UBAP2: variants seen among roughly 807,000 people sequenced by gnomAD.
UBAP2 encodes ubiquitin-associated protein 2.
A neutral mutation model predicts 139.6 loss-of-function variants in UBAP2; 75 were observed. That is an observed-to-expected ratio of 0.54 (90% CI 0.45 to 0.65). The LOEUF (loss-of-function observed/expected upper bound fraction) is 0.65. UBAP2 is among the 30% of genes least tolerant of loss of function. The pLI is 0.00. For synonymous variants in UBAP2, 526 were observed against 526.2 expected (o/e 1.00, Z 0.01); for missense variants, 1,368 against 1,369.6 (o/e 1.00, Z 0.02).
chr9:33,977,434 C>T (rs528454349), intron 6 of UBAP2, among the ~76,000 whole-genome samples: 81 of 152,218 alleles, frequency 5.3e-4, no homozygotes, highest in African/African-American at 1.7e-3. Context: ...CTGGTAGTAA[C>T]GCTACTAGTA....
intron 3 of UBAP2, chr9:33,996,880 C>G (rs1265024912): frequency 2.6e-5 from 4 of 152,904 alleles, no homozygotes; most frequent in African/African-American, 9.7e-5. Context: ...CCCAGGAGTT[C>G]GAGACTGGAC....
At chr9:33,926,791 G>T in intron 21 of UBAP2, 127 bp from the exon 22 acceptor site, 1 of 1,097,938 alleles carries the variant, frequency 9.1e-7, no homozygotes, top group Non-Finnish European at 1.4e-6. Context: ...TGGATTAGCT[G>T]TTACGGGAAC....
chr9:33,937,069 T>A (rs1824611103), intron 16 of UBAP2, among the ~76,000 whole-genome samples: 1 of 146,364 alleles, frequency 6.8e-6, no homozygotes, highest in Non-Finnish European at 1.5e-5. Context: ...ATATTTAAGG[T>A]AGGAAGGAGA....
intron 18 of UBAP2, among the ~76,000 whole-genome samples, chr9:33,932,859 C>T (rs919431438): frequency 2.6e-5 from 4 of 152,226 alleles, no homozygotes; most frequent in Non-Finnish European, 5.9e-5. Context: ...CCCTCAACGA[C>T]ATCCATTTGC....
At chr9:33,989,169 T>C (rs748462010) in intron 4 of UBAP2, 43 bp from the exon 5 acceptor site, 19 of 1,547,818 alleles carry the variant, frequency 1.2e-5, no homozygotes, top group Non-Finnish European at 1.6e-5. Flanking sequence ...ATTCAAAGTG[T>C]GTACAATTAT....
At chr9:34,017,904 G>A (rs1824520365) in intron 1 of UBAP2, among the ~76,000 whole-genome samples, 1 of 151,588 alleles carries the variant, frequency 6.6e-6, no homozygotes, top group African/African-American at 2.4e-5. Flanking sequence ...TCCAGCCTTG[G>A]CGACAGAGCG....
At position 33,941,817 on chromosome 9, in the gene UBAP2, G is replaced by C; in HGVS notation, c.1761C>G (p.Asn587Lys). The change falls in exon 16 of 29, where the codon AAC (asparagine) becomes AAG (lysine). Residue 587 changes from asparagine (N) to lysine (K), a missense_variant. Transcript: ENST00000379238. ...TAATGACGGAAGTTGTATATGTGGA[G>C]TTCTGTACTGCACTGGTCATTGATA... Reference protein sequence around the residue: ...TSLSMTSAVQNSTYTTSVITS... With the variant: ...TSLSMTSAVQKSTYTTSVITS... 6.2e-7 allele frequency: 1 copy of C among 1,613,758 alleles called. No homozygotes were observed. The highest frequency in any genetic ancestry group is 1.1e-5 in the South Asian group (1 of 91,066).
chr9:33,974,593 G>A (rs1828154809), intron 6 of UBAP2, among the ~76,000 whole-genome samples: 1 of 151,978 alleles, frequency 6.6e-6, no homozygotes, highest in Non-Finnish European at 1.5e-5. Flanking sequence ...TTATATATCT[G>A]ATCACAGAGT....
chr9:33,922,883 A>C lies in UBAP2; in HGVS notation c.3073-5T>G. ...AAATCCCTGCTTGTCAAAAGTCTAC[A>C]GGGCAAAGAAGACAATGGTGAAGGT... is the stretch of plus-strand genomic sequence containing the variant. On this transcript the variant is annotated splice_region_variant and splice_polypyrimidine_tract_variant and intron_variant, in intron 27 of 28. Coordinates refer to ENST00000379238, the MANE Select transcript of UBAP2 (RefSeq NM_001370062.2). The C allele has an allele frequency of 6.2e-7, 1 of 1,604,140 alleles. No homozygotes were observed. Among genetic ancestry groups the C allele is most frequent in the Non-Finnish European group, 8.5e-7 (1 of 1,173,600 alleles).
intron 1 of UBAP2, among the ~76,000 whole-genome samples, chr9:34,017,461 G>C (rs1490339947): frequency 6.6e-6 from 1 of 152,064 alleles, no homozygotes; most frequent in Non-Finnish European, 1.5e-5. Flanking sequence ...ACTACATGTA[G>C]TCACTGTACA....
intron 7 of UBAP2, among the ~76,000 whole-genome samples, chr9:33,972,285 G>A (rs1827974246): frequency 6.6e-6 from 1 of 152,186 alleles, no homozygotes; most frequent in African/African-American, 2.4e-5. Flanking sequence ...GGTCTAACAT[G>A]AGCCAAAACA....
intron 1 of UBAP2, among the ~76,000 whole-genome samples, chr9:34,034,172 T>A (rs1041790049): frequency 2.0e-5 from 3 of 152,218 alleles, no homozygotes; most frequent in African/African-American, 7.2e-5. Flanking sequence ...TTTATAAAAG[T>A]TCAACATACC....
At position 33,921,709 on chromosome 9, in the gene UBAP2, T is replaced by C. The variant is rs1466277909; in HGVS notation, c.*795A>G. On this transcript the variant is annotated 3_prime_UTR_variant, in exon 29 of 29. Coordinates refer to ENST00000379238, the MANE Select transcript of UBAP2 (RefSeq NM_001370062.2). Reference sequence around the variant, plus strand: ...GAGACCATGCATGCTCTCAGAACTTTATTAGGTGGGGATTGGGCAAGAGAA... The same window carrying C: ...GAGACCATGCATGCTCTCAGAACTTCATTAGGTGGGGATTGGGCAAGAGAA... 2 of 152,646 alleles carry C rather than the reference T, an allele frequency of 1.3e-5. No individual in the cohort carries two copies. Among genetic ancestry groups the C allele is most frequent in the Admixed American group, 6.5e-5 (1 of 15,288 alleles). The allele number at this position is 152,646 out of a possible 1,614,324, so 9.5% of individuals were successfully genotyped here. A position where few individuals can be genotyped will look rare whatever the true frequency, so the allele number is the denominator to read the frequency against.
chr9:34,035,769 A>C (rs1482556438), intron 1 of UBAP2, among the ~76,000 whole-genome samples: 3 of 151,902 alleles, frequency 2.0e-5, no homozygotes, highest in Non-Finnish European at 4.4e-5. Context: ...AATAAAATGC[A>C]AACTGTTTAT....
chr9:33,927,494 G>A (rs898116405), intron 20 of UBAP2, among the ~76,000 whole-genome samples: 10 of 152,218 alleles, frequency 6.6e-5, no homozygotes, highest in Admixed American at 4.6e-4. Flanking sequence ...GACAGCCTAG[G>A]TCTGCAGTCG....
chr9:33,968,101 T>C (rs1827605512), intron 8 of UBAP2: 1 of 483,094 alleles, frequency 2.1e-6, no homozygotes. Context: ...GCAGTTACAT[T>C]CTCATGAATA....
At chr9:34,043,771 C>A (rs1176518434) in intron 1 of UBAP2, among the ~76,000 whole-genome samples, 1 of 151,652 alleles carries the variant, frequency 6.6e-6, no homozygotes, top group Admixed American at 6.6e-5. Flanking sequence ...TGGAATTACA[C>A]GCAGGAGCCA....
At chr9:34,027,655 A>G (rs1825518617) in intron 1 of UBAP2, among the ~76,000 whole-genome samples, 2 of 151,856 alleles carry the variant, frequency 1.3e-5, no homozygotes, top group African/African-American at 2.4e-5. Context: ...CAAGAGATCG[A>G]GACCATCCTG....
intron 6 of UBAP2, among the ~76,000 whole-genome samples, chr9:33,974,746 GT>G (rs1356655837): frequency 1.3e-5 from 2 of 151,992 alleles, no homozygotes; most frequent in Non-Finnish European, 2.9e-5. Flanking sequence ...GAGGTCAGGA[GT>G]TCAAAACCAA....
Sources: gnomAD v4.1 joint callset for allele counts (sites outside exome capture counted in the v4.1 genomes callset) on GRCh38, gnomAD v4.1.1 for gene constraint, MANE v1.5 for transcripts, NCBI Gene and HGNC (gene_info 2026-07-23, HGNC 2026-07-21) for gene names.